Variants in TLK1 observed in about 807,000 individuals in gnomAD.
TLK1 encodes serine/threonine-protein kinase tousled-like 1.
TLK1 carries 24 observed loss-of-function variants against 105.3 expected under a neutral mutation model. That is an observed-to-expected ratio of 0.23 (90% CI 0.17 to 0.32). The LOEUF (loss-of-function observed/expected upper bound fraction) is 0.32. Among genes scored for constraint, TLK1 ranks in the 10% least tolerant of loss-of-function variants. The pLI is 1.00. For synonymous variants in TLK1, 321 were observed against 310.4 expected, an observed-to-expected ratio of 1.03 and a Z score of -0.36; for missense variants, 558 against 910.5, an observed-to-expected ratio of 0.61 and a Z score of 4.98.
At chr2:171,189,789 T>C (rs1047464099) in intron 1 of TLK1, among the ~76,000 whole-genome samples, 2 of 152,210 alleles carry the variant, frequency 1.3e-5, no homozygotes, top group Non-Finnish European at 2.9e-5. Flanking sequence ...GCCCTCATGT[T>C]GTCATTTTGT....
chr2:171,009,786 T>C lies in TLK1; in HGVS notation c.1416+1587A>G, dbSNP rs75379711. Among the ~76,000 whole-genome samples, 16 of 152,264 alleles carry C rather than the reference T, an allele frequency of 1.1e-4. No individual in the cohort carries two copies. The East Asian group carries it at 2.9e-3, about 28-fold the overall frequency. ...AGCCCAAATTAATAAAATTAGTAAA[T>C]AGCAGTCAGGATTTAAACCTAGCTG... On this transcript the variant is annotated intron_variant, in intron 14 of 20. Transcript: ENST00000431350.
intron 2 of TLK1, among the ~76,000 whole-genome samples, chr2:171,102,578 AAAG>A (rs770458907): frequency 1.3e-5 from 2 of 152,240 alleles, no homozygotes; most frequent in African/African-American, 2.4e-5. Flanking sequence ...TCAAAATCTA[AAAG>A]AATTATTTAA....
At chr2:171,157,778 G>C (rs1488455806) in intron 1 of TLK1, among the ~76,000 whole-genome samples, 1 of 152,132 alleles carries the variant, frequency 6.6e-6, no homozygotes, top group Non-Finnish European at 1.5e-5. Flanking sequence ...AGTTAAGTCT[G>C]CCTAAAAGGA....
chr2:171,109,892 A>C (rs1378934986), intron 2 of TLK1, among the ~76,000 whole-genome samples: 1 of 152,254 alleles, frequency 6.6e-6, no homozygotes, highest in African/African-American at 2.4e-5. Context: ...AATATACTGC[A>C]TACTTTCATT....
chr2:171,151,839 T>C (rs890406032), intron 1 of TLK1, among the ~76,000 whole-genome samples: 2 of 152,274 alleles, frequency 1.3e-5, no homozygotes, highest in Non-Finnish European at 2.9e-5. Flanking sequence ...CAGAGTAGTA[T>C]ACAAAGTTGA....
intron 1 of TLK1, among the ~76,000 whole-genome samples, chr2:171,156,160 C>T (rs146728877): frequency 5.9e-5 from 9 of 152,258 alleles, no homozygotes; most frequent in African/African-American, 2.2e-4. Flanking sequence ...TTTCCTTTTC[C>T]AACCATATAT....
intron 2 of TLK1, among the ~76,000 whole-genome samples, chr2:171,105,258 T>A (rs1431595726): frequency 6.6e-6 from 1 of 152,164 alleles, no homozygotes; most frequent in Admixed American, 6.5e-5. Flanking sequence ...TGAGAAGGGA[T>A]TAATATCCAG....
intron 11 of TLK1, among the ~76,000 whole-genome samples, chr2:171,029,271 T>A (rs879173708): frequency 6.6e-6 from 1 of 152,200 alleles, no homozygotes; most frequent in Non-Finnish European, 1.5e-5. Flanking sequence ...ACATTTTTCC[T>A]TTCCCTGCTT....
intron 11 of TLK1, among the ~76,000 whole-genome samples, chr2:171,038,427 T>C (rs1686482023): frequency 6.6e-6 from 1 of 152,204 alleles, no homozygotes; most frequent in African/African-American, 2.4e-5. Flanking sequence ...TAGTTTTTCT[T>C]CTTTTCTTAC....
chr2:171,006,668 T>C lies in TLK1; in HGVS notation c.1599-25A>G, dbSNP rs1435263338. On this transcript the variant is annotated intron_variant, in intron 16 of 20. Transcript: ENST00000431350. ...CCTACAACAGAGAAGAGAAAAAAAT[T>C]AGACATAAGTAATATCCAAGAATTC... The C allele has an allele frequency of 3.1e-6, 5 of 1,610,380 alleles. No homozygotes were observed. The African/African-American group carries it at 4.0e-5, about 13-fold the overall frequency.
chr2:171,164,790 T>C (rs77980905), upstream of TLK1, among the ~76,000 whole-genome samples: 224 of 152,110 alleles, frequency 1.5e-3, 1 homozygote, highest in African/African-American at 5.2e-3. Flanking sequence ...ACCTTGAAAT[T>C]TGCTAGTATA....
intron 20 of TLK1, chr2:170,994,720 A>G (rs764982047): frequency 3.3e-5 from 17 of 517,598 alleles, no homozygotes; most frequent in Non-Finnish European, 5.8e-5. Flanking sequence ...AACCTGGGTT[A>G]ACCTTTATCT....
chr2:171,147,570 G>C (rs776199611), intron 1 of TLK1, among the ~76,000 whole-genome samples: 1 of 152,096 alleles, frequency 6.6e-6, no homozygotes, highest in African/African-American at 2.4e-5. Flanking sequence ...ATTATGTGTG[G>C]ATATAATGAT....
intron 1 of TLK1, among the ~76,000 whole-genome samples, chr2:171,222,327 T>TTTTA (rs555608792): frequency 4.6e-4 from 70 of 152,198 alleles, no homozygotes; most frequent in South Asian, 4.0e-3. Context: ...CCTAATTCTT[T>TTTTA]TTTATTTATT....
chr2:171,208,452 G>A (rs1693549487), intron 1 of TLK1, among the ~76,000 whole-genome samples: 1 of 152,046 alleles, frequency 6.6e-6, no homozygotes, highest in Admixed American at 6.6e-5. Context: ...TATAAACTTA[G>A]AGCATTAATT....
chr2:171,122,027 A>G (rs777946609), intron 1 of TLK1, among the ~76,000 whole-genome samples: 21 of 152,016 alleles, frequency 1.4e-4, no homozygotes, highest in Non-Finnish European at 2.2e-4. Flanking sequence ...GCTCACTGCA[A>G]CCTCCACCTC....
intron 19 of TLK1, 111 bp from the exon 20 acceptor site, chr2:170,996,871 C>A: frequency 1.2e-6 from 1 of 848,688 alleles, no homozygotes; most frequent in Non-Finnish European, 1.8e-6. Flanking sequence ...ATCTTGTGTT[C>A]TAAAATCTTC....
At chr2:171,154,380 T>G (rs1431423658) in intron 1 of TLK1, 1 of 152,066 alleles carries the variant, frequency 6.6e-6, no homozygotes, top group Non-Finnish European at 1.5e-5. Flanking sequence ...AATGCTCTCA[T>G]TTTACAGATG....
chr2:171,070,175 CT>C (rs1444921966), intron 3 of TLK1, among the ~76,000 whole-genome samples: 3 of 150,596 alleles, frequency 2.0e-5, no homozygotes, highest in African/African-American at 7.3e-5. Flanking sequence ...TAGAAGGTTC[CT>C]TTTTAAATTT....
Sources: allele counts gnomAD v4.1 joint callset (sites outside exome capture counted in the v4.1 genomes callset), GRCh38; gene constraint gnomAD v4.1.1; transcripts MANE v1.5; gene names NCBI Gene and HGNC (gene_info 2026-07-23, HGNC 2026-07-21).